Variants in LARP4B observed in about 807,000 individuals in gnomAD.
LARP4B encodes the protein La ribonucleoprotein 4B.
A neutral mutation model predicts 89.8 loss-of-function variants in LARP4B; 12 were observed. The ratio of observed to expected loss-of-function variants is 0.13; its 90% CI spans 0.09 to 0.22. LARP4B has a LOEUF of 0.22. Ranked by LOEUF, LARP4B falls within the 10% of genes least tolerant of loss-of-function variation. LARP4B has a pLI of 1.00. For synonymous variants in LARP4B, 367 were observed against 363.3 expected, an observed-to-expected ratio of 1.01 and a Z score of -0.12; for missense variants, 757 against 947.7, an observed-to-expected ratio of 0.80 and a Z score of 2.64.
intron 1 of LARP4B, among the ~76,000 whole-genome samples, chr10:900,779 T>C (rs1836320371): frequency 6.9e-6 from 1 of 143,950 alleles, no homozygotes. Flanking sequence ...GCCACCACGC[T>C]TGGCTAATTT....
At chr10:986,939 CAA>C in the LARP4B span, 103,002 of 142,776 alleles carry the variant, frequency 0.72, 36,881 homozygotes, top group East Asian at 0.89. Flanking sequence ...GATTCCGTCT[CAA>C]AAAAAAAAAA....
At chr10:861,914 T>C (rs544942344) in intron 5 of LARP4B, among the ~76,000 whole-genome samples, 35 of 152,244 alleles carry the variant, frequency 2.3e-4, no homozygotes, top group Middle Eastern at 3.2e-3. Flanking sequence ...CCTTTTTATC[T>C]TTTGTAAAAA....
chr10:898,294 T>G (rs1588973032), intron 1 of LARP4B, among the ~76,000 whole-genome samples: 1 of 152,208 alleles, frequency 6.6e-6, no homozygotes. Context: ...GGTACAAATG[T>G]AAAACAGAGC....
intron 1 of LARP4B, among the ~76,000 whole-genome samples, chr10:927,106 A>G (rs1837162622): frequency 1.3e-5 from 2 of 152,164 alleles, no homozygotes; most frequent in African/African-American, 4.8e-5. Flanking sequence ...TCCATGGTCT[A>G]GGTCTCCTAA....
In LARP4B at chr10:814,659, C is replaced by T. The variant is rs767737617; in HGVS notation, c.1929+83G>A. 3.3e-5 allele frequency: 51 copies of T among 1,551,400 alleles called. No homozygotes were observed. The highest frequency in any genetic ancestry group is 4.2e-5 in the Non-Finnish European group (48 of 1,147,054). On this transcript the variant is annotated intron_variant, in intron 17 of 17. Transcript: ENST00000316157. This position sits in a 1 kb window ranked among gnomAD's most constrained non-coding sequence, Gnocchi z 4.4. Reference sequence around the variant, plus strand: ...CACCAAATTAGATGTGATTAAAAAACGAGCAGGTGCAGGAGTGCGCAGCGT... The same window carrying T: ...CACCAAATTAGATGTGATTAAAAAATGAGCAGGTGCAGGAGTGCGCAGCGT...
chr10:833,249 TAAAAAAAAAAAAAAAAAAAAAAAAAA>T (rs56788542), intron 8 of LARP4B, among the ~76,000 whole-genome samples: 1 of 52,038 alleles, frequency 1.9e-5, no homozygotes, highest in Non-Finnish European at 3.3e-5. Context: ...TGATGAGCTT[TAAAAAAAAAAAAAAAAAAAAAAAAAA>T]AAAAAAAAAC....
At chr10:909,947 G>A (rs1197560929) in intron 1 of LARP4B, among the ~76,000 whole-genome samples, 1 of 151,924 alleles carries the variant, frequency 6.6e-6, no homozygotes, top group African/African-American at 2.4e-5. Flanking sequence ...TACTTCAATA[G>A]ACAATGTGAC....
intron 1 of LARP4B, among the ~76,000 whole-genome samples, chr10:929,653 C>T (rs1402421610): frequency 6.6e-6 from 1 of 152,118 alleles, no homozygotes; most frequent in Non-Finnish European, 1.5e-5. Context: ...GACAACATTT[C>T]CATGTTTGTG....
chr10:817,928 G>A, intron 14 of LARP4B, 39 bp from the exon 15 acceptor site: 6 of 1,583,422 alleles, frequency 3.8e-6, no homozygotes, highest in Non-Finnish European at 4.3e-6. Context: ...GGTATGGAGA[G>A]AGAAGGCCAA....
intron 5 of LARP4B, among the ~76,000 whole-genome samples, chr10:857,542 C>T (rs1486653890): frequency 6.6e-6 from 1 of 152,204 alleles, no homozygotes; most frequent in Non-Finnish European, 1.5e-5. Context: ...ACTCTTTGGT[C>T]TCCACCATTG....
At chr10:883,141 C>T (rs1835736942) in intron 3 of LARP4B, among the ~76,000 whole-genome samples, 1 of 152,216 alleles carries the variant, frequency 6.6e-6, no homozygotes, top group Admixed American at 6.5e-5. Context: ...AAGATTTATA[C>T]TCAAGGGATA....
chr10:931,970 C>T (rs891875036), upstream of LARP4B, among the ~76,000 whole-genome samples: 1 of 138,098 alleles, frequency 7.2e-6, no homozygotes, highest in African/African-American at 2.5e-5. Context: ...GCCGCACGTC[C>T]GCCCCGCCCG....
chr10:910,830 CCT>C (rs759894632), intron 1 of LARP4B, among the ~76,000 whole-genome samples: 85 of 152,268 alleles, frequency 5.6e-4, no homozygotes, highest in Middle Eastern at 3.4e-3. Flanking sequence ...GTGACCAACT[CCT>C]GTTAGTTTCC....
At chr10:906,565 A>C (rs1297378778) in intron 1 of LARP4B, among the ~76,000 whole-genome samples, 1 of 147,846 alleles carries the variant, frequency 6.8e-6, no homozygotes, top group East Asian at 1.9e-4. Flanking sequence ...TGTGCAAAGG[A>C]GTCTACCTCC....
intron 1 of LARP4B, among the ~76,000 whole-genome samples, chr10:888,508 C>T (rs188478539): frequency 1.4e-3 from 215 of 152,218 alleles, no homozygotes; most frequent in African/African-American, 4.7e-3. Context: ...AGCGAAAGGA[C>T]GTGAAGCAAA....
At chr10:860,790 GC>G (rs1428836050) in intron 5 of LARP4B, among the ~76,000 whole-genome samples, 2 of 152,020 alleles carry the variant, frequency 1.3e-5, no homozygotes, top group Admixed American at 1.3e-4. Flanking sequence ...CATCTCTTGG[GC>G]CCAGGAGTTC....
chr10:811,919 G>A lies in LARP4B; in HGVS notation c.*1007C>T, dbSNP rs1023534966. ...AGGCCCTCGTCTTGGAGGTAAAAGAGCAGGAACTTTATCCTCCACCAGCCA... is the reference window on the plus strand; with the variant it reads ...AGGCCCTCGTCTTGGAGGTAAAAGAACAGGAACTTTATCCTCCACCAGCCA... On this transcript the variant is annotated 3_prime_UTR_variant, in exon 18 of 18. Coordinates refer to ENST00000316157, the MANE Select transcript of LARP4B (RefSeq NM_015155.3). 1.3e-5 allele frequency: 2 copies of A among 152,312 alleles called. No homozygotes were observed. Among genetic ancestry groups the A allele is most frequent in the Non-Finnish European group, 2.9e-5 (2 of 68,036 alleles). The allele number at this position is 152,312 out of a possible 1,614,324, so 9.4% of individuals were successfully genotyped here.
the LARP4B span, chr10:986,775 C>T: frequency 2.0e-5 from 3 of 152,156 alleles, no homozygotes; most frequent in East Asian, 5.8e-4. Context: ...CCTGTCTCTA[C>T]TAAAAATACA....
intron 13 of LARP4B, among the ~76,000 whole-genome samples, chr10:821,633 G>A (rs1030716090): frequency 1.3e-5 from 2 of 152,178 alleles, no homozygotes; most frequent in African/African-American, 2.4e-5. Context: ...CTCCCCCAAG[G>A]GCCTTGTATT....
Sources: gnomAD v4.1 joint callset for allele counts (sites outside exome capture counted in the v4.1 genomes callset) on GRCh38, gnomAD v4.1.1 for gene constraint, Gnocchi (gnomAD v3.1) non-coding constraint, MANE v1.5 for transcripts, NCBI Gene and HGNC (gene_info 2026-07-23, HGNC 2026-07-21) for gene names.